Variants in ATP13A4 observed in about 807,000 individuals in gnomAD.
The protein encoded by ATP13A4 is ATPase 13A4, also known as probable cation-transporting ATPase 13A4.
In ATP13A4, 114 loss-of-function variants were observed where a neutral mutation model predicts 142.5. The ratio of observed to expected loss-of-function variants is 0.80; its 90% CI spans 0.69 to 0.93. The LOEUF (loss-of-function observed/expected upper bound fraction) is 0.93, where lower values mean the gene tolerates loss of function less well. Ranked by LOEUF, ATP13A4 falls within the 40% of genes least tolerant of loss-of-function variation. The pLI is 0.00. For synonymous variants in ATP13A4, 488 were observed against 514.8 expected (o/e 0.95, Z 0.70); for missense variants, 1,392 against 1,454.0 (o/e 0.96, Z 0.69).
chr3:193,509,297 C>A (rs1721021211), intron 2 of ATP13A4, among the ~76,000 whole-genome samples: 1 of 152,146 alleles, frequency 6.6e-6, no homozygotes, highest in African/African-American at 2.4e-5. Context: ...CTAAGGAGTA[C>A]TTTTAAGAGG....
intron 3 of ATP13A4, among the ~76,000 whole-genome samples, chr3:193,495,324 AC>A (rs1720165053): frequency 6.6e-6 from 1 of 152,130 alleles, no homozygotes; most frequent in African/African-American, 2.4e-5. Context: ...AATATTCCTG[AC>A]AAACCTAGAA....
At chr3:193,447,369 G>C (rs1717016831) in intron 18 of ATP13A4, among the ~76,000 whole-genome samples, 1 of 152,104 alleles carries the variant, frequency 6.6e-6, no homozygotes, top group Admixed American at 6.5e-5. Flanking sequence ...AAGTACAAAA[G>C]AGGAAATAAA....
chr3:193,561,757 T>G lies in ATP13A4; in HGVS notation n.291+19950A>C, dbSNP rs74325341. On this transcript the variant is annotated intron_variant and non_coding_transcript_variant, in intron 2 of 3. Coordinates refer to the ATP13A4 transcript ENST00000489140. The stretch of plus-strand genomic sequence containing the variant: ...GCCAAAGCACTTCAAATAAGCAATC[T>G]TAATAAAACTGTGCTTACCATGCAA... Among the ~76,000 whole-genome samples, 16 of 152,302 alleles carry G rather than the reference T, an allele frequency of 1.1e-4. No homozygotes were observed. The East Asian group carries it at 3.1e-3, about 29-fold the overall frequency.
rs550418664 is a variant in ATP13A4 at position 193,544,941 on chromosome 3, C to T, written c.60+9799G>A. 5.9e-5 allele frequency among the ~76,000 whole-genome samples: 9 copies of T among 152,160 alleles called. No individual in the cohort carries two copies. In the South Asian group the frequency reaches 1.9e-3, roughly 32 times the overall value. On this transcript the variant is annotated intron_variant, in intron 1 of 29. Coordinates refer to ENST00000342695, the MANE Select transcript of ATP13A4 (RefSeq NM_032279.4). ...CAGATTTGGGTATATTATATAGTTT[C>T]TCAGTGCCTCCTTTTGTAAGATTGA...
chr3:193,430,084 G>T (rs1287981466), intron 25 of ATP13A4, among the ~76,000 whole-genome samples: 3 of 152,006 alleles, frequency 2.0e-5, no homozygotes, highest in Non-Finnish European at 2.9e-5. Flanking sequence ...ATGGAGAAGA[G>T]AACAATCACA....
intron 2 of ATP13A4, among the ~76,000 whole-genome samples, chr3:193,575,094 G>A (rs959836995): frequency 5.9e-5 from 9 of 152,180 alleles, no homozygotes; most frequent in African/African-American, 2.2e-4. Context: ...CTGTGAGGAA[G>A]CCCAAGCTAG....
chr3:193,407,497 G>T, intron 28 of ATP13A4, 104 bp from the exon 29 acceptor site: 1 of 811,818 alleles, frequency 1.2e-6, no homozygotes, highest in Non-Finnish European at 2.1e-6. Flanking sequence ...AATCTCATAT[G>T]TAATATATAT....
rs77475060 is a variant in ATP13A4, at chr3:193,579,114, C to T, written n.291+2593G>A. The T allele has an allele frequency of 4.8e-5, 8 of 165,544 alleles. No homozygotes were observed. In the South Asian group the frequency reaches 1.0e-3, roughly 21 times the overall value. The allele number at this position is 165,544 out of a possible 1,614,324, so 10.3% of individuals were successfully genotyped here. ...CCCACCTGATATGTCCCTGTAATCA[C>T]GTTTTTGATAAAGTCTCTGTGGCCT... On this transcript the variant is annotated intron_variant and non_coding_transcript_variant, in intron 2 of 3. Transcript: ENST00000489140.
At chr3:193,411,702 G>T (rs1439452283) in intron 27 of ATP13A4, among the ~76,000 whole-genome samples, 1 of 152,112 alleles carries the variant, frequency 6.6e-6, no homozygotes, top group East Asian at 1.9e-4. Flanking sequence ...TAGGAGGGAG[G>T]TACTCTGGCC....
At chr3:193,484,588 C>T (rs1055268647) in intron 7 of ATP13A4, among the ~76,000 whole-genome samples, 1 of 152,070 alleles carries the variant, frequency 6.6e-6, no homozygotes, top group African/African-American at 2.4e-5. Context: ...ATTTAAGATA[C>T]TTCCTAAATT....
At chr3:193,445,081 C>A (rs775760469) in intron 18 of ATP13A4, among the ~76,000 whole-genome samples, 4 of 152,146 alleles carry the variant, frequency 2.6e-5, no homozygotes, top group Non-Finnish European at 5.9e-5. Flanking sequence ...GGAGGAACAA[C>A]CAGAGCACAT....
At chr3:193,407,212 C>T (rs1714541503) in intron 29 of ATP13A4, 101 bp downstream of exon 29, 2 of 1,033,014 alleles carry the variant, frequency 1.9e-6, no homozygotes, top group Admixed American at 2.0e-5. Context: ...ACTGCTGAGT[C>T]CATGTCAGCT....
chr3:193,524,297 T>C (rs1263060462), intron 1 of ATP13A4, among the ~76,000 whole-genome samples: 2 of 152,172 alleles, frequency 1.3e-5, no homozygotes, highest in Non-Finnish European at 2.9e-5. Context: ...GTGTCTGGCA[T>C]CTGCAGGAGG....
intron 1 of ATP13A4, among the ~76,000 whole-genome samples, chr3:193,542,867 A>G (rs1482540025): frequency 1.3e-5 from 2 of 152,216 alleles, no homozygotes; most frequent in East Asian, 1.9e-4. Flanking sequence ...ACCCAAAACT[A>G]TAAAAAACCT....
At chr3:193,521,996 C>G (rs1257682558) in intron 1 of ATP13A4, among the ~76,000 whole-genome samples, 4 of 152,110 alleles carry the variant, frequency 2.6e-5, no homozygotes, top group Non-Finnish European at 4.4e-5. Flanking sequence ...CTTTCCCCCT[C>G]CACAGTCAGC....
rs757303919 is a variant in ATP13A4, at chr3:193,459,216, G to C, written c.1539C>G (p.His513Gln). ...SCDRNGFQEV[H>Q]SFASGQALPW... ...GCAAAGCCTGGCCTGAGGCAAAGCT[G>C]TGAACTTCCTGAAAGCTTAAGGAGA... Residue 513 changes from histidine (H) to glutamine (Q), a missense_variant, in exon 14 of 30, where the codon CAC (histidine) becomes CAG (glutamine). His to Gln is a conservative substitution (Grantham distance 24, BLOSUM62 0). Coordinates refer to ENST00000342695, the MANE Select transcript of ATP13A4 (RefSeq NM_032279.4). The C allele has an allele frequency of 6.2e-7, 1 of 1,614,232 alleles. No homozygotes were observed. The highest frequency in any genetic ancestry group is 2.2e-5 in the East Asian group (1 of 44,886).
At chr3:193,418,156 A>G (rs1369150857) in intron 25 of ATP13A4, among the ~76,000 whole-genome samples, 1 of 101,964 alleles carries the variant, frequency 9.8e-6, no homozygotes, top group African/African-American at 3.7e-5. Context: ...AAAAAAAAAA[A>G]AAAAAAAAAA....
chr3:193,485,594 G>A (rs1719563681), intron 7 of ATP13A4, among the ~76,000 whole-genome samples: 1 of 152,074 alleles, frequency 6.6e-6, no homozygotes, highest in African/African-American at 2.4e-5. Context: ...GATTATCAAA[G>A]TATTAAAATC....
chr3:193,570,896 T>A (rs1724246585), intron 2 of ATP13A4, among the ~76,000 whole-genome samples: 1 of 152,212 alleles, frequency 6.6e-6, no homozygotes, highest in Non-Finnish European at 1.5e-5. Flanking sequence ...TAGCACAGTG[T>A]ATATATAAAT....
Sources: allele counts gnomAD v4.1 joint callset (sites outside exome capture counted in the v4.1 genomes callset), GRCh38; gene constraint gnomAD v4.1.1; transcripts MANE v1.5; gene names NCBI Gene and HGNC (gene_info 2026-07-23, HGNC 2026-07-21).